NRP2: variants seen among roughly 807,000 people sequenced by gnomAD.
NRP2 encodes the protein neuropilin-2.
NRP2 carries 52 observed loss-of-function variants against 110.4 expected under a neutral mutation model. The ratio of observed to expected loss-of-function variants is 0.47; its 90% CI spans 0.38 to 0.59. The LOEUF (loss-of-function observed/expected upper bound fraction) is 0.59. Among genes scored for constraint, NRP2 ranks in the 20% least tolerant of loss-of-function variants. The pLI, the probability that NRP2 is intolerant of heterozygous loss-of-function variation, is 0.00. For missense variants in NRP2, 1,049 were observed against 1,203.0 expected, an observed-to-expected ratio of 0.87 and a Z score of 1.89; for synonymous variants, 508 against 468.9, an observed-to-expected ratio of 1.08 and a Z score of -1.08.
At chr2:205,770,819 A>G (rs2058010257) in intron 15 of NRP2, among the ~76,000 whole-genome samples, 1 of 152,120 alleles carries the variant, frequency 6.6e-6, no homozygotes, top group Non-Finnish European at 1.5e-5. Flanking sequence ...TTGCTGAGCA[A>G]GAAAGCATGG....
intron 15 of NRP2, chr2:205,768,256 A>G (rs542519426): frequency 2.6e-4 from 39 of 152,284 alleles, no homozygotes; most frequent in African/African-American, 8.9e-4. Flanking sequence ...TGTAAATCCA[A>G]AGTATTGGAG....
chr2:205,704,812 C>T (rs527805381), intron 2 of NRP2, among the ~76,000 whole-genome samples: 1 of 152,302 alleles, frequency 6.6e-6, no homozygotes, highest in South Asian at 2.1e-4. Context: ...CACAATCCCA[C>T]TTGTTCTGCC....
intron 1 of NRP2, among the ~76,000 whole-genome samples, chr2:205,690,545 G>T (rs1190563107): frequency 6.7e-6 from 1 of 149,740 alleles, no homozygotes; most frequent in Non-Finnish European, 1.5e-5. Context: ...AGACCAGCCT[G>T]GCCAACATAG....
chr2:205,790,880 T>C (rs1165372635), intron 15 of NRP2, among the ~76,000 whole-genome samples: 6 of 152,204 alleles, frequency 3.9e-5, no homozygotes, highest in Admixed American at 3.3e-4. Flanking sequence ...ATGCAAGGAA[T>C]GGGCTGGAGT....
chr2:205,706,265 A>C (rs1244789838), intron 2 of NRP2, among the ~76,000 whole-genome samples: 1 of 152,082 alleles, frequency 6.6e-6, no homozygotes, highest in Non-Finnish European at 1.5e-5. Context: ...TGAGCGAGAC[A>C]TGTAAACAGT....
chr2:205,744,568 G>A (rs562882883), intron 9 of NRP2, among the ~76,000 whole-genome samples: 51 of 152,290 alleles, frequency 3.3e-4, no homozygotes, highest in South Asian at 2.1e-4. Flanking sequence ...GGGAGGAGAC[G>A]TCATACCTCT....
At chr2:205,687,144 A>G (rs1163001435) in intron 1 of NRP2, among the ~76,000 whole-genome samples, 1 of 152,102 alleles carries the variant, frequency 6.6e-6, no homozygotes, top group Non-Finnish European at 1.5e-5. Flanking sequence ...ACACGCGCAG[A>G]TTCTCGGTCA....
chr2:205,692,921 G>C (rs2056344182), intron 1 of NRP2, among the ~76,000 whole-genome samples: 1 of 152,126 alleles, frequency 6.6e-6, no homozygotes, highest in Non-Finnish European at 1.5e-5. Flanking sequence ...GAAAACAAAG[G>C]CTCAGAGTTG....
intron 16 of NRP2, among the ~76,000 whole-genome samples, chr2:205,794,473 A>G (rs1371863022): frequency 2.0e-5 from 3 of 152,208 alleles, no homozygotes; most frequent in Non-Finnish European, 2.9e-5. Context: ...CACTTTACAA[A>G]TATTAGTTCA....
At chr2:205,765,631 C>A in intron 14 of NRP2, 61 bp downstream of exon 14, 2 of 1,401,920 alleles carry the variant, frequency 1.4e-6, no homozygotes, top group Non-Finnish European at 2.0e-6. Flanking sequence ...CTGGGATAAG[C>A]AAGAGGAGGC....
At chr2:205,779,328 C>T (rs1344155066) in intron 15 of NRP2, 2 of 152,094 alleles carry the variant, frequency 1.3e-5, no homozygotes, top group African/African-American at 4.8e-5. Flanking sequence ...AAAAAGAAAA[C>T]AAAAAATCAG....
chr2:205,758,573 C>T (rs186914845), intron 12 of NRP2, among the ~76,000 whole-genome samples: 4 of 152,316 alleles, frequency 2.6e-5, no homozygotes, highest in Non-Finnish European at 4.4e-5. Flanking sequence ...TTCCTCTTCA[C>T]CCTTTTGAAC....
At chr2:205,792,171 C>A in intron 15 of NRP2, 64 bp from the exon 16 acceptor site, 1 of 1,118,330 alleles carries the variant, frequency 8.9e-7, no homozygotes, top group South Asian at 1.2e-5. Flanking sequence ...AGATTGCCTC[C>A]CTGCCTTTTA....
chr2:205,765,349 AACACACAC>A (rs35659576), intron 13 of NRP2, 117 bp from the exon 14 acceptor site: 3 of 723,946 alleles, frequency 4.1e-6, no homozygotes, highest in Non-Finnish European at 7.6e-6. Context: ...CAGGTGCAAT[AACACACAC>A]ACACACACAC....
chr2:205,728,107 G>A, intron 7 of NRP2, 61 bp downstream of exon 7: 1 of 1,603,716 alleles, frequency 6.2e-7, no homozygotes, highest in Non-Finnish European at 8.5e-7. Flanking sequence ...TGGGATCAGG[G>A]GAGCTTTAAG....
rs761836753 is a variant in NRP2, at chr2:205,725,888, G to T, written c.821-25G>T. On this transcript the variant is annotated intron_variant, in intron 5 of 16. Coordinates refer to ENST00000357785, the MANE Select transcript of NRP2 (RefSeq NM_003872.3). This position sits in a 1 kb window ranked among gnomAD's most constrained non-coding sequence, Gnocchi z 4.1. The stretch of plus-strand genomic sequence containing the variant: ...AGGTATGAGGTTGGAAGGCCTAACT[G>T]CATTTGACCGTCTGCTTTCCCCAGA... The T allele has an allele frequency of 6.2e-7, 1 of 1,613,468 alleles. No individual in the cohort carries two copies. The highest frequency in any genetic ancestry group is 1.1e-5 in the South Asian group (1 of 91,048).
At chr2:205,793,219 G>C (rs2058320903) in intron 16 of NRP2, among the ~76,000 whole-genome samples, 1 of 152,188 alleles carries the variant, frequency 6.6e-6, no homozygotes, top group Admixed American at 6.5e-5. Context: ...AGGCGCACTG[G>C]AATGGAGTAG....
intron 15 of NRP2, chr2:205,779,799 A>G (rs1468367164): frequency 1.3e-5 from 2 of 152,216 alleles, no homozygotes; most frequent in Non-Finnish European, 2.9e-5. Context: ...AAGTTTACAC[A>G]TCACCTTCTG....
intron 2 of NRP2, among the ~76,000 whole-genome samples, chr2:205,709,094 A>G (rs1436764885): frequency 6.6e-6 from 1 of 152,238 alleles, no homozygotes; most frequent in Non-Finnish European, 1.5e-5. Context: ...CTTGCTATCT[A>G]AGACAGCAGA....
Sources: allele counts gnomAD v4.1 joint callset (sites outside exome capture counted in the v4.1 genomes callset), GRCh38; gene constraint gnomAD v4.1.1; non-coding constraint Gnocchi (gnomAD v3.1); transcripts MANE v1.5; gene names NCBI Gene and HGNC (gene_info 2026-07-23, HGNC 2026-07-21).